The following ATXN7L1 variants were observed in gnomAD, a reference collection of about 807,000 sequenced individuals.
ATXN7L1 encodes the protein ataxin-7-like protein 1.
ATXN7L1 carries 15 observed loss-of-function variants against 70.8 expected under a neutral mutation model. The ratio of observed to expected loss-of-function variants is 0.21; its 90% CI spans 0.14 to 0.33. The LOEUF (loss-of-function observed/expected upper bound fraction) is 0.33. Ranked by LOEUF, ATXN7L1 falls within the 10% of genes least tolerant of loss-of-function variation. ATXN7L1 has a pLI of 1.00. For synonymous variants in ATXN7L1, 440 were observed against 445.1 expected (o/e 0.99, Z 0.14); for missense variants, 975 against 1,097.1 (o/e 0.89, Z 1.57).
intron 3 of ATXN7L1, among the ~76,000 whole-genome samples, chr7:105,676,554 G>C (rs2116134766): frequency 6.6e-6 from 1 of 152,246 alleles, no homozygotes; most frequent in Admixed American, 6.5e-5. Context: ...ATACCTGATA[G>C]AATGGCTGGG....
intron 3 of ATXN7L1, among the ~76,000 whole-genome samples, chr7:105,715,750 G>C (rs1020246834): frequency 6.6e-6 from 1 of 152,224 alleles, no homozygotes; most frequent in African/African-American, 2.4e-5. Flanking sequence ...GTCATTAAAA[G>C]TGTATCCCCA....
chr7:105,812,926 T>C (rs1297031471), intron 2 of ATXN7L1, among the ~76,000 whole-genome samples: 1 of 152,098 alleles, frequency 6.6e-6, no homozygotes, highest in African/African-American at 2.4e-5. Flanking sequence ...TATCTAAGCC[T>C]GGGAGGTCAA....
intron 2 of ATXN7L1, among the ~76,000 whole-genome samples, chr7:105,852,528 G>A (rs1815025483): frequency 1.3e-5 from 2 of 152,242 alleles, no homozygotes; most frequent in Admixed American, 6.5e-5. Context: ...CTGGTCAGAT[G>A]CAGCACAGGG....
chr7:105,729,276 T>C (rs1185171261), intron 3 of ATXN7L1, among the ~76,000 whole-genome samples: 1 of 127,858 alleles, frequency 7.8e-6, no homozygotes, highest in Non-Finnish European at 1.6e-5. Context: ...GTATCAATAA[T>C]AAATGAATGA....
chr7:105,605,071 C>A lies in ATXN7L1; in HGVS notation c.*2781G>T, dbSNP rs1792701891. On this transcript the variant is annotated 3_prime_UTR_variant, in exon 12 of 12. Transcript: ENST00000419735. ...TTTTTTTTTTTTTTTTTTTTTATGG[C>A]TGACAGGTCTATGCATTGCGTTATG... is the stretch of plus-strand genomic sequence containing the variant. The A allele has an allele frequency of 3.1e-5, 1 of 32,596 alleles. No homozygotes were observed. Among genetic ancestry groups the A allele is most frequent in the Admixed American group, 4.8e-4 (1 of 2,090 alleles). The allele number at this position is 32,596 out of a possible 1,614,324, so 2.0% of individuals were successfully genotyped here.
chr7:105,680,107 A>G lies in ATXN7L1; in HGVS notation c.356-14819T>C, dbSNP rs543891848. Among the ~76,000 whole-genome samples, 31 of 152,112 alleles carry G rather than the reference A, an allele frequency of 2.0e-4. No homozygotes were observed. The South Asian group carries it at 4.8e-3, about 23-fold the overall frequency. ...AAAAAAAAAAAATTAAACCTTTAAG[A>G]CACAAAAGTATTCCAAGACTCAGAA... On this transcript the variant is annotated intron_variant, in intron 3 of 11. Transcript: ENST00000419735.
chr7:105,668,779 C>T (rs1238438335), intron 3 of ATXN7L1, among the ~76,000 whole-genome samples: 1 of 152,000 alleles, frequency 6.6e-6, no homozygotes, highest in Non-Finnish European at 1.5e-5. Flanking sequence ...TGGCTCATGC[C>T]TATAATCCTG....
intron 3 of ATXN7L1, among the ~76,000 whole-genome samples, chr7:105,712,839 T>A (rs1206232334): frequency 6.6e-6 from 1 of 152,214 alleles, no homozygotes; most frequent in African/African-American, 2.4e-5. Context: ...CTGCCTGTTA[T>A]CCAGTTCCAA....
intron 7 of ATXN7L1, among the ~76,000 whole-genome samples, chr7:105,629,795 G>C (rs1796317643): frequency 1.3e-5 from 2 of 150,830 alleles, no homozygotes; most frequent in Admixed American, 1.3e-4. Flanking sequence ...TGGGATTACA[G>C]GTGTAGGCCT....
chr7:105,756,007 C>T (rs1799758388), intron 3 of ATXN7L1, among the ~76,000 whole-genome samples: 1 of 152,160 alleles, frequency 6.6e-6, no homozygotes, highest in South Asian at 2.1e-4. Flanking sequence ...TCTTTGTGTC[C>T]TTGTGTGTGT....
chr7:105,733,227 T>C (rs1796772555), intron 3 of ATXN7L1, among the ~76,000 whole-genome samples: 1 of 152,220 alleles, frequency 6.6e-6, no homozygotes, highest in South Asian at 2.1e-4. Context: ...AAGAAATACA[T>C]GAATGAATGG....
chr7:105,627,846 T>TTG (rs1335411989), intron 7 of ATXN7L1, among the ~76,000 whole-genome samples: 3 of 134,996 alleles, frequency 2.2e-5, no homozygotes, highest in Non-Finnish European at 3.2e-5. Context: ...CTTTAGTTTT[T>TTG]TTTTTTTTTT....
At chr7:105,715,422 C>G (rs1466394640) in intron 3 of ATXN7L1, among the ~76,000 whole-genome samples, 1 of 152,222 alleles carries the variant, frequency 6.6e-6, no homozygotes, top group South Asian at 2.1e-4. Context: ...CTCAGAGCTT[C>G]CCTGTTTTCT....
At chr7:105,783,676 C>T (rs1332570726) in intron 3 of ATXN7L1, among the ~76,000 whole-genome samples, 1 of 152,240 alleles carries the variant, frequency 6.6e-6, no homozygotes, top group East Asian at 1.9e-4. Flanking sequence ...GCACTTAGGA[C>T]TCTTCCAGAC....
At chr7:105,862,378 G>A (rs1165158338) in intron 2 of ATXN7L1, among the ~76,000 whole-genome samples, 2 of 152,156 alleles carry the variant, frequency 1.3e-5, no homozygotes, top group Admixed American at 6.5e-5. Flanking sequence ...GGTCAAGGCT[G>A]CAGTGAACTA....
rs115253123 is a variant in ATXN7L1, at chr7:105,820,582, C to T, written c.251-31874G>A. 3.4e-3 allele frequency among the ~76,000 whole-genome samples: 525 copies of T among 152,256 alleles called. 3 individuals carry two copies. The highest frequency in any genetic ancestry group is 0.012 in the African/African-American group (502 of 41,540). On this transcript the variant is annotated intron_variant, in intron 2 of 11. Coordinates refer to ENST00000419735, the MANE Select transcript of ATXN7L1 (RefSeq NM_020725.2). ...GCTTTCTTACTTGCACTCCAGTTTC[C>T]AGTAAAAGGGCAGGGTTGGGTTTTT...
At chr7:105,836,285 C>G (rs771359371) in intron 2 of ATXN7L1, among the ~76,000 whole-genome samples, 3 of 152,064 alleles carry the variant, frequency 2.0e-5, no homozygotes, top group African/African-American at 7.2e-5. Flanking sequence ...AATATTTAGC[C>G]GAAAGTACTC....
chr7:105,808,010 C>A (rs1023924846), intron 2 of ATXN7L1, among the ~76,000 whole-genome samples: 3 of 152,234 alleles, frequency 2.0e-5, no homozygotes, highest in Admixed American at 2.0e-4. Context: ...GAGGATAATT[C>A]TTGGATCTCT....
intron 3 of ATXN7L1, among the ~76,000 whole-genome samples, chr7:105,702,565 GACACACATACACAC>G (rs1237883366): frequency 6.8e-6 from 1 of 147,810 alleles, no homozygotes; most frequent in Admixed American, 6.7e-5. Flanking sequence ...CACACACACA[GACACACATACACAC>G]ACACACAGGG....
Sources: gnomAD v4.1 joint callset for allele counts (sites outside exome capture counted in the v4.1 genomes callset) on GRCh38, gnomAD v4.1.1 for gene constraint, MANE v1.5 for transcripts, NCBI Gene and HGNC (gene_info 2026-07-23, HGNC 2026-07-21) for gene names.